The following NELL1 variants were observed in gnomAD, a reference collection of about 807,000 sequenced individuals.
NELL1 encodes the protein neural EGFL like 1.
In NELL1, 76 loss-of-function variants were observed where a neutral mutation model predicts 107.4. The observed-to-expected ratio is 0.71, with a 90% CI of 0.59 to 0.86. The LOEUF (loss-of-function observed/expected upper bound fraction) is 0.86, where lower values mean the gene tolerates loss of function less well. Among genes scored for constraint, NELL1 ranks in the 40% least tolerant of loss-of-function variants. The pLI, the probability that NELL1 is intolerant of heterozygous loss-of-function variation, is 0.00. For missense variants in NELL1, 1,024 were observed against 1,005.5 expected, an observed-to-expected ratio of 1.02 and a Z score of -0.25; for synonymous variants, 353 against 341.2, an observed-to-expected ratio of 1.03 and a Z score of -0.38.
chr11:20,810,694 T>A (rs142724803), intron 3 of NELL1, among the ~76,000 whole-genome samples: 2,045 of 152,316 alleles, frequency 0.013, 19 homozygotes, highest in Middle Eastern at 0.024. Flanking sequence ...GCAAGTTTCT[T>A]TTTTGTATAA....
chr11:21,567,128 G>A (rs1299780911), intron 17 of NELL1, among the ~76,000 whole-genome samples: 2 of 151,800 alleles, frequency 1.3e-5, no homozygotes, highest in African/African-American at 4.8e-5. Context: ...AGACATGCTG[G>A]TTCCTAAGGC....
In NELL1 at chr11:20,804,033, C is replaced by G. The variant is rs573752816; in HGVS notation, c.335+20203C>G. On this transcript the variant is annotated intron_variant, in intron 3 of 19. Coordinates refer to ENST00000357134, the MANE Select transcript of NELL1 (RefSeq NM_006157.5). ...GCCTGCAGACAGCCTATTGTGATAC[C>G]TGATGATTGTGTGAGTTAATATTTA... is the stretch of plus-strand genomic sequence containing the variant. Among the ~76,000 whole-genome samples, 7 of 149,028 alleles carry G rather than the reference C, an allele frequency of 4.7e-5. No individual in the cohort carries two copies. The East Asian group carries it at 1.2e-3, about 26-fold the overall frequency.
At chr11:21,436,575 T>C (rs188614122) in intron 15 of NELL1, among the ~76,000 whole-genome samples, 133 of 152,250 alleles carry the variant, frequency 8.7e-4, no homozygotes, top group Non-Finnish European at 1.6e-3. Flanking sequence ...ATTTATCTTT[T>C]CAAAAACACA....
chr11:21,003,613 GC>G (rs1852270285), intron 12 of NELL1, among the ~76,000 whole-genome samples: 1 of 151,982 alleles, frequency 6.6e-6, no homozygotes, highest in East Asian at 1.9e-4. Flanking sequence ...ACTCTGTTTT[GC>G]CCTGCTGTTT....
At chr11:21,268,389 C>A (rs754149727) in intron 14 of NELL1, among the ~76,000 whole-genome samples, 9 of 152,124 alleles carry the variant, frequency 5.9e-5, no homozygotes, top group East Asian at 5.8e-4. Context: ...CTGTTCTTAA[C>A]AAAACCTGCC....
intron 13 of NELL1, among the ~76,000 whole-genome samples, chr11:21,117,885 C>T (rs1281587111): frequency 6.6e-6 from 1 of 151,954 alleles, no homozygotes; most frequent in Non-Finnish European, 1.5e-5. Context: ...TAGAACTAAT[C>T]ACTAGTTCCA....
At chr11:21,260,657 A>G (rs1418821185) in intron 14 of NELL1, 5 of 151,858 alleles carry the variant, frequency 3.3e-5, no homozygotes, top group East Asian at 1.9e-4. Flanking sequence ...CAGACTAATA[A>G]ATATTCAGCA....
chr11:21,515,762 G>A (rs1855545672), intron 15 of NELL1, among the ~76,000 whole-genome samples: 1 of 152,132 alleles, frequency 6.6e-6, no homozygotes, highest in African/African-American at 2.4e-5. Context: ...ACTCTCTTAA[G>A]GACTCCATGA....
chr11:20,820,312 G>T (rs76195532), intron 3 of NELL1, among the ~76,000 whole-genome samples: 4 of 152,102 alleles, frequency 2.6e-5, no homozygotes, highest in African/African-American at 7.2e-5. Context: ...GCCTGTGGCC[G>T]GTTTACACCC....
At chr11:21,373,226 T>C (rs1050727112) in intron 15 of NELL1, among the ~76,000 whole-genome samples, 2 of 152,112 alleles carry the variant, frequency 1.3e-5, no homozygotes, top group African/African-American at 2.4e-5. Context: ...CAGTCAGTTG[T>C]GTGCAAGGGA....
chr11:21,176,754 T>C (rs1211323072), intron 13 of NELL1, among the ~76,000 whole-genome samples: 1 of 151,690 alleles, frequency 6.6e-6, no homozygotes, highest in African/African-American at 2.4e-5. Context: ...TTGTCATCAA[T>C]CAAAGTTTAG....
chr11:20,679,292 T>C (rs1171349766), intron 2 of NELL1, among the ~76,000 whole-genome samples: 1 of 152,214 alleles, frequency 6.6e-6, no homozygotes, highest in African/African-American at 2.4e-5. Flanking sequence ...AACAGGGAAA[T>C]GAACTGACCA....
At chr11:21,102,559 AG>A (rs1449047035) in intron 12 of NELL1, among the ~76,000 whole-genome samples, 1 of 152,146 alleles carries the variant, frequency 6.6e-6, no homozygotes, top group African/African-American at 2.4e-5. Context: ...CCTACTTCAA[AG>A]GGTTATTATG....
At chr11:20,967,711 C>T (rs1294171005) in intron 12 of NELL1, among the ~76,000 whole-genome samples, 1 of 152,166 alleles carries the variant, frequency 6.6e-6, no homozygotes, top group Non-Finnish European at 1.5e-5. Context: ...CTAGTGATCC[C>T]AGTAGCATCC....
chr11:21,537,129 T>A (rs1271953008), intron 16 of NELL1, among the ~76,000 whole-genome samples: 2 of 152,126 alleles, frequency 1.3e-5, no homozygotes, highest in Non-Finnish European at 2.9e-5. Context: ...TGATCCTTCA[T>A]CAGGACAGAA....
chr11:20,707,701 A>G (rs1475683435), intron 2 of NELL1, among the ~76,000 whole-genome samples: 3 of 152,194 alleles, frequency 2.0e-5, no homozygotes, highest in African/African-American at 7.2e-5. Flanking sequence ...GCAGAACGGC[A>G]GATGTTGCTG....
At chr11:20,714,754 T>C (rs573719366) in intron 2 of NELL1, among the ~76,000 whole-genome samples, 1 of 152,204 alleles carries the variant, frequency 6.6e-6, no homozygotes, top group Non-Finnish European at 1.5e-5. Flanking sequence ...AAAATATACT[T>C]TTAAAATTAA....
chr11:21,505,898 C>T (rs1479172088), intron 15 of NELL1, among the ~76,000 whole-genome samples: 1 of 152,132 alleles, frequency 6.6e-6, no homozygotes, highest in East Asian at 1.9e-4. Context: ...TTATAGGAGC[C>T]TCTCACTAAA....
intron 7 of NELL1, among the ~76,000 whole-genome samples, chr11:20,920,529 T>C (rs976842264): frequency 3.3e-5 from 5 of 152,112 alleles, no homozygotes; most frequent in Non-Finnish European, 5.9e-5. Context: ...CTTCAGAGTA[T>C]AGTGGGAATG....
Sources: gnomAD v4.1 joint callset for allele counts (sites outside exome capture counted in the v4.1 genomes callset) on GRCh38, gnomAD v4.1.1 for gene constraint, MANE v1.5 for transcripts, NCBI Gene and HGNC (gene_info 2026-07-23, HGNC 2026-07-21) for gene names.